Variants in TGFBR3 observed in about 807,000 individuals in gnomAD.
TGFBR3 encodes the protein transforming growth factor beta receptor 3, also known as transforming growth factor beta receptor type 3.
Under a neutral mutation model 87.9 loss-of-function variants are expected in TGFBR3, and 46 were observed. The ratio of observed to expected loss-of-function variants is 0.52; its 90% confidence interval spans 0.41 to 0.67. The LOEUF is 0.67. Among genes scored for constraint, TGFBR3 ranks in the 30% least tolerant of loss-of-function variants. The pLI, the probability that TGFBR3 is intolerant of heterozygous loss-of-function variation, is 0.00. For missense variants in TGFBR3, 866 were observed against 1,041.9 expected, an observed-to-expected ratio of 0.83 and a Z score of 2.32; for synonymous variants, 381 against 391.6, an observed-to-expected ratio of 0.97 and a Z score of 0.32.
intron 2 of TGFBR3, among the ~76,000 whole-genome samples, chr1:91,822,215 TTA>T (rs1320135391): frequency 6.7e-6 from 1 of 149,722 alleles, no homozygotes; most frequent in Non-Finnish European, 1.5e-5. Context: ...ACCGCCACAT[TTA>T]TATTCTTCTA....
intron 4 of TGFBR3, among the ~76,000 whole-genome samples, chr1:91,741,395 G>A (rs565905286): frequency 1.3e-5 from 2 of 152,094 alleles, no homozygotes; most frequent in South Asian, 2.1e-4. Flanking sequence ...ACTCCCCCAC[G>A]CCCCGGCACC....
Position 91,691,057 on chromosome 1 carries a change from T to C in TGFBR3, c.2437+4615A>G, listed in dbSNP as rs543722018. On this transcript the variant is annotated intron_variant, in intron 16 of 16. Coordinates refer to ENST00000212355, the MANE Select transcript of TGFBR3 (RefSeq NM_003243.5). Reference sequence around the variant, plus strand: ...TAAAAAAGTTATTGGAATTAAAAAATTTGAAGCCAGTATTAAAAACTCAGT... The same window carrying C: ...TAAAAAAGTTATTGGAATTAAAAAACTTGAAGCCAGTATTAAAAACTCAGT... Among the ~76,000 whole-genome samples the C allele has an allele frequency of 6.5e-4, 98 of 151,900 alleles. 1 individual carries two copies. In the South Asian group the frequency reaches 0.017, roughly 26 times the overall value.
At chr1:91,805,050 T>A (rs1398563192) in intron 2 of TGFBR3, among the ~76,000 whole-genome samples, 1 of 152,212 alleles carries the variant, frequency 6.6e-6, no homozygotes, top group Non-Finnish European at 1.5e-5. Flanking sequence ...TGAAAAGGCA[T>A]GTTGCAGATA....
intron 2 of TGFBR3, 51 bp from the exon 3 acceptor site, chr1:91,797,522 G>A (rs17881268): frequency 0.026 from 42,081 of 1,607,956 alleles, 688 homozygotes; most frequent in Non-Finnish European, 0.031. Flanking sequence ...AATTAATTCT[G>A]CCCCAAAGGG....
chr1:91,705,492 G>T (rs1158484621), intron 14 of TGFBR3, among the ~76,000 whole-genome samples: 1 of 151,946 alleles, frequency 6.6e-6, no homozygotes. Flanking sequence ...GCCTCCCAAA[G>T]TGCTGGGATT....
Position 91,773,949 on chromosome 1 carries a change from T to C in TGFBR3, c.247-15199A>G, listed in dbSNP as rs113679111. On this transcript the variant is annotated intron_variant, in intron 3 of 16. Transcript: ENST00000212355. The stretch of plus-strand genomic sequence containing the variant: ...TTTTAGAGAGTTTCTTTGCTTTCCT[T>C]AACTTTAATTCTGGGTCAGTGTGCC... Among the ~76,000 whole-genome samples, 606 of 152,336 alleles carry C rather than the reference T, an allele frequency of 4.0e-3. 1 individual carries two copies. The highest frequency in any genetic ancestry group is 0.017 in the Middle Eastern group (5 of 294).
chr1:91,868,328 T>C (rs1256177553), intron 1 of TGFBR3, among the ~76,000 whole-genome samples: 7 of 152,216 alleles, frequency 4.6e-5, no homozygotes, highest in Non-Finnish European at 7.3e-5. Flanking sequence ...GCAACAGAAA[T>C]AGTTGTTTAT....
intron 1 of TGFBR3, among the ~76,000 whole-genome samples, chr1:91,900,062 G>A (rs1257344410): frequency 2.0e-5 from 3 of 152,166 alleles, no homozygotes; most frequent in East Asian, 3.9e-4. Context: ...AAAAGATTCT[G>A]AAATATACTC....
intron 16 of TGFBR3, among the ~76,000 whole-genome samples, chr1:91,686,121 G>A (rs543022539): frequency 2.0e-4 from 31 of 152,164 alleles, no homozygotes; most frequent in African/African-American, 7.0e-4. Flanking sequence ...GGGAGCAAGT[G>A]TGCTCCTCCA....
At chr1:91,689,840 TAAAAA>T (rs545760131) in intron 16 of TGFBR3, among the ~76,000 whole-genome samples, 1 of 99,282 alleles carries the variant, frequency 1.0e-5, no homozygotes, top group Non-Finnish European at 2.0e-5. Flanking sequence ...AGAAACTGAT[TAAAAA>T]AAAAAAAAAA....
chr1:91,737,257 G>C (rs1303550881), intron 4 of TGFBR3, among the ~76,000 whole-genome samples: 1 of 152,202 alleles, frequency 6.6e-6, no homozygotes, highest in African/African-American at 2.4e-5. Flanking sequence ...GAAATTTTCA[G>C]CTTCAGCAAG....
At chr1:91,715,665 A>C (rs1672139549) in intron 12 of TGFBR3, among the ~76,000 whole-genome samples, 1 of 152,184 alleles carries the variant, frequency 6.6e-6, no homozygotes, top group African/African-American at 2.4e-5. Context: ...TATATATAGG[A>C]AATAGTTTAA....
chr1:91,754,495 A>AG (rs1445464391), intron 4 of TGFBR3, among the ~76,000 whole-genome samples: 4 of 152,046 alleles, frequency 2.6e-5, no homozygotes, highest in Non-Finnish European at 5.9e-5. Context: ...ACTACTTGAA[A>AG]CTCAGCCTGA....
intron 1 of TGFBR3, among the ~76,000 whole-genome samples, chr1:91,866,112 T>C (rs563488658): frequency 6.6e-6 from 1 of 152,144 alleles, no homozygotes; most frequent in Admixed American, 6.5e-5. Context: ...AAAAATCCCA[T>C]CCAAATGAAT....
chr1:91,719,991 T>C lies in TGFBR3; in HGVS notation c.1315A>G (p.Arg439Gly), dbSNP rs763397177. Residue 439 changes from arginine (R) to glycine (G), a missense_variant, in exon 9 of 17, where the codon AGA becomes GGA. Arg to Gly is a moderately radical substitution (Grantham distance 125). Coordinates refer to ENST00000212355, the MANE Select transcript of TGFBR3 (RefSeq NM_003243.5). ...CTCCCTTGCACCTCTTCTGGCTCTC[T>C]GAGACCAGGAAACAGTTGTATGCTG... ...IPSIQLFPGLREPEEVQGSVD... is the reference protein window; with the variant it reads ...IPSIQLFPGLGEPEEVQGSVD... 6 of 1,614,184 alleles carry C rather than the reference T, an allele frequency of 3.7e-6. No homozygotes were observed. The highest frequency in any genetic ancestry group is 5.1e-6 in the Non-Finnish European group (6 of 1,180,010).
At chr1:91,809,919 G>A (rs996245524) in intron 2 of TGFBR3, among the ~76,000 whole-genome samples, 1 of 152,188 alleles carries the variant, frequency 6.6e-6, no homozygotes, top group Non-Finnish European at 1.5e-5. Flanking sequence ...GAGAAGCTGT[G>A]GACCTGGTTT....
At chr1:91,886,418 G>C (rs988605982), upstream of TGFBR3, 3 of 326,848 alleles carry the variant, frequency 9.2e-6, no homozygotes, top group Admixed American at 8.3e-5. Flanking sequence ...CGAGAGAGAA[G>C]GGGCTAGGGG....
chr1:91,728,840 G>A (rs1672641350), intron 6 of TGFBR3, among the ~76,000 whole-genome samples: 1 of 152,120 alleles, frequency 6.6e-6, no homozygotes, highest in Non-Finnish European at 1.5e-5. Flanking sequence ...AGGAAGGAGG[G>A]TGAAATGCAG....
rs1421170969 is a variant in TGFBR3 at position 91,861,366 on chromosome 1, C to G, written c.61+105G>C. The G allele has an allele frequency of 2.0e-5, 18 of 900,706 alleles. No individual in the cohort carries two copies. In the Admixed American group the frequency reaches 3.4e-4, roughly 17 times the overall value. 55.8% of individuals were successfully genotyped at this position (900,706 alleles called of 1,614,324 possible). The stretch of plus-strand genomic sequence containing the variant: ...AGTAAGCCATGATTATGCCTCTGCA[C>G]TCCAGCCTGGGTAACAGAGTGAAAC... On this transcript the variant is annotated intron_variant, in intron 2 of 16. Transcript: ENST00000212355.
Sources: gnomAD v4.1 joint callset for allele counts (sites outside exome capture counted in the v4.1 genomes callset) on GRCh38, gnomAD v4.1.1 for gene constraint, MANE v1.5 for transcripts, NCBI Gene and HGNC (gene_info 2026-07-23, HGNC 2026-07-21) for gene names.